The following BMPER variants were observed in gnomAD, a reference collection of about 807,000 sequenced individuals.
The protein encoded by BMPER is BMP binding endothelial regulator.
A neutral mutation model predicts 87.3 loss-of-function variants in BMPER; 45 were observed. The ratio of observed to expected loss-of-function variants is 0.52; its 90% CI spans 0.41 to 0.66. The LOEUF is 0.66. Ranked by LOEUF, BMPER falls within the 30% of genes least tolerant of loss-of-function variation. BMPER has a pLI of 0.00. For synonymous variants in BMPER, 326 were observed against 316.2 expected, an observed-to-expected ratio of 1.03 and a Z score of -0.33; for missense variants, 784 against 867.5, an observed-to-expected ratio of 0.90 and a Z score of 1.21.
chr7:33,909,829 GC>G (rs1329235000), intron 2 of BMPER, among the ~76,000 whole-genome samples: 3 of 152,144 alleles, frequency 2.0e-5, no homozygotes, highest in Non-Finnish European at 4.4e-5. Context: ...AATCAACTTG[GC>G]CTGATTTAAA....
intron 3 of BMPER, among the ~76,000 whole-genome samples, chr7:33,950,874 ATACT>A (rs1184233541): frequency 2.6e-5 from 4 of 152,148 alleles, no homozygotes; most frequent in African/African-American, 9.7e-5. Flanking sequence ...ATCGAGAATG[ATACT>A]TACAGCTAGA....
At chr7:33,916,737 A>C (rs933157480) in intron 2 of BMPER, among the ~76,000 whole-genome samples, 5 of 152,212 alleles carry the variant, frequency 3.3e-5, no homozygotes, top group African/African-American at 1.2e-4. Flanking sequence ...CTTAAAGTGT[A>C]AGAACCTCGT....
chr7:34,052,953 C>T (rs1002887708), intron 8 of BMPER, among the ~76,000 whole-genome samples: 4 of 152,194 alleles, frequency 2.6e-5, no homozygotes, highest in Admixed American at 1.3e-4. Context: ...AAATGTATAG[C>T]ACCCGCTTCT....
intron 6 of BMPER, among the ~76,000 whole-genome samples, chr7:34,036,932 T>A (rs2127953701): frequency 6.6e-6 from 1 of 152,240 alleles, no homozygotes; most frequent in Admixed American, 6.5e-5. Flanking sequence ...AAAACTGCCA[T>A]TCAGCTAAGT....
chr7:34,115,547 C>G (rs1318542869), intron 13 of BMPER, among the ~76,000 whole-genome samples: 2 of 152,190 alleles, frequency 1.3e-5, no homozygotes, highest in African/African-American at 4.8e-5. Context: ...CTTTCTGTCT[C>G]TATAGATTTT....
intron 13 of BMPER, among the ~76,000 whole-genome samples, chr7:34,093,438 G>A (rs973766): frequency 0.23 from 34,619 of 152,144 alleles, 5,081 homozygotes; most frequent in Admixed American, 0.4. Flanking sequence ...TTATTGCATA[G>A]CCCAAAGCCC....
At chr7:33,935,756 T>C (rs1265506772) in intron 2 of BMPER, among the ~76,000 whole-genome samples, 1 of 152,202 alleles carries the variant, frequency 6.6e-6, no homozygotes, top group Non-Finnish European at 1.5e-5. Context: ...GCCCTTTCTC[T>C]GGGTGTCAGA....
At chr7:34,028,850 T>C (rs549156537) in intron 6 of BMPER, among the ~76,000 whole-genome samples, 1 of 151,796 alleles carries the variant, frequency 6.6e-6, no homozygotes, top group East Asian at 2.0e-4. Flanking sequence ...AACTCCTCCA[T>C]GTGGAGAGAT....
chr7:33,939,263 A>G lies in BMPER; in HGVS notation c.319+1875A>G, dbSNP rs188301647. ...TCCTTCTTGACCTGCTAATTCCTTT[A>G]TCACCACCCTTTCCTCCTCTTATCT... On this transcript the variant is annotated intron_variant, in intron 3 of 14. Coordinates refer to ENST00000649409, the MANE Select transcript of BMPER (RefSeq NM_001365308.1). Among the ~76,000 whole-genome samples the G allele has an allele frequency of 4.6e-5, 7 of 152,236 alleles. No individual in the cohort carries two copies. The East Asian group carries it at 1.4e-3, about 29-fold the overall frequency.
chr7:34,031,321 G>C (rs560829106), intron 6 of BMPER, among the ~76,000 whole-genome samples: 1 of 152,202 alleles, frequency 6.6e-6, no homozygotes, highest in South Asian at 2.1e-4. Context: ...GAGATGAAAT[G>C]ATTATCCCCC....
chr7:33,906,982 A>G (rs1783835873), intron 2 of BMPER, 79 bp downstream of exon 2: 1 of 1,304,588 alleles, frequency 7.7e-7, no homozygotes, highest in Non-Finnish European at 1.1e-6. Flanking sequence ...TAATATAACC[A>G]GATCTTACAA....
At chr7:34,059,038 A>T (rs537172925) in intron 10 of BMPER, among the ~76,000 whole-genome samples, 1 of 151,718 alleles carries the variant, frequency 6.6e-6, no homozygotes, top group South Asian at 2.1e-4. Context: ...AAAAAAAAAA[A>T]CCCTAATTAG....
intron 13 of BMPER, among the ~76,000 whole-genome samples, chr7:34,121,001 G>A (rs1185884248): frequency 3.3e-5 from 5 of 151,024 alleles, no homozygotes; most frequent in African/African-American, 7.3e-5. Context: ...TTAGCTATTC[G>A]TAGGTAATAT....
chr7:33,911,633 C>T (rs1783963599), intron 2 of BMPER, among the ~76,000 whole-genome samples: 1 of 152,184 alleles, frequency 6.6e-6, no homozygotes, highest in Admixed American at 6.5e-5. Flanking sequence ...ATCAGACAGT[C>T]TTGGGTTAAA....
Position 34,019,396 on chromosome 7 carries a change from C to G in BMPER, c.577-26910C>G, listed in dbSNP as rs570089823. On this transcript the variant is annotated intron_variant, in intron 6 of 14. Transcript: ENST00000649409. The stretch of plus-strand genomic sequence containing the variant: ...AAGACTGACTCTCGTCTCAGCACCT[C>G]CAACTCAGATTTTACTTCTGGGAAT... 7.9e-5 allele frequency among the ~76,000 whole-genome samples: 12 copies of G among 152,126 alleles called. No homozygotes were observed. In the East Asian group the frequency reaches 2.1e-3, roughly 27 times the overall value.
At chr7:34,033,615 A>T (rs1232908699) in intron 6 of BMPER, among the ~76,000 whole-genome samples, 3 of 152,216 alleles carry the variant, frequency 2.0e-5, no homozygotes, top group Admixed American at 6.5e-5. Flanking sequence ...TATGTCCCTT[A>T]ATTCTGGACA....
chr7:33,942,307 A>G (rs544845713), intron 3 of BMPER, among the ~76,000 whole-genome samples: 1 of 152,340 alleles, frequency 6.6e-6, no homozygotes, highest in African/African-American at 2.4e-5. Flanking sequence ...TCAAAACAGC[A>G]GCAGGTAGTA....
At chr7:34,057,924 C>T (rs1788326857) in intron 9 of BMPER, 135 bp from the exon 10 acceptor site, 2 of 733,822 alleles carry the variant, frequency 2.7e-6, no homozygotes, top group Admixed American at 4.0e-5. Flanking sequence ...AGACAGACAC[C>T]TGAGTCATTT....
intron 6 of BMPER, among the ~76,000 whole-genome samples, chr7:34,041,026 A>G (rs1399484435): frequency 1.3e-5 from 2 of 152,238 alleles, no homozygotes; most frequent in African/African-American, 2.4e-5. Flanking sequence ...AGAGACGTCT[A>G]GAAGGAGAGA....
Sources: allele counts gnomAD v4.1 joint callset (sites outside exome capture counted in the v4.1 genomes callset), GRCh38; gene constraint gnomAD v4.1.1; transcripts MANE v1.5; gene names NCBI Gene and HGNC (gene_info 2026-07-23, HGNC 2026-07-21).